The following GPC6 variants were observed in gnomAD, a reference collection of about 807,000 sequenced individuals.
GPC6 encodes the protein glypican 6, also known as glypican-6.
In GPC6, 14 loss-of-function variants were observed where a neutral mutation model predicts 55.2. That is an observed-to-expected ratio of 0.25 (90% CI 0.17 to 0.40). The LOEUF is 0.40. GPC6 is among the 10% of genes least tolerant of loss of function. The pLI, the probability that GPC6 is intolerant of heterozygous loss-of-function variation, is 1.00. For missense variants in GPC6, 641 were observed against 708.5 expected (o/e 0.90, Z 1.08); for synonymous variants, 278 against 259.6 (o/e 1.07, Z -0.68).
intron 2 of GPC6, among the ~76,000 whole-genome samples, chr13:93,589,291 A>C (rs1437210672): frequency 6.6e-6 from 1 of 152,056 alleles, no homozygotes; most frequent in Non-Finnish European, 1.5e-5. Flanking sequence ...ATTTTCAAAC[A>C]TACAAAAACA....
At chr13:93,516,904 C>A (rs1163275006) in intron 1 of GPC6, among the ~76,000 whole-genome samples, 3 of 152,038 alleles carry the variant, frequency 2.0e-5, no homozygotes, top group African/African-American at 7.2e-5. Context: ...AGATCATTAC[C>A]ATCAGTAGCT....
At chr13:94,213,725 C>T (rs1890150538) in intron 4 of GPC6, among the ~76,000 whole-genome samples, 1 of 152,114 alleles carries the variant, frequency 6.6e-6, no homozygotes, top group Non-Finnish European at 1.5e-5. Context: ...TCTCTTGAGA[C>T]CCACATTTGG....
At chr13:93,972,833 G>A (rs546687974) in intron 3 of GPC6, among the ~76,000 whole-genome samples, 12 of 152,152 alleles carry the variant, frequency 7.9e-5, no homozygotes, top group African/African-American at 2.9e-4. Flanking sequence ...CTCCCAAAAA[G>A]CCTTGCATTT....
chr13:93,432,475 T>C (rs950835708), intron 1 of GPC6, among the ~76,000 whole-genome samples: 1 of 152,070 alleles, frequency 6.6e-6, no homozygotes, highest in African/African-American at 2.4e-5. Context: ...CACAAATAAA[T>C]GAAGTGGAGT....
At chr13:93,218,769 T>C in the GPC6 span, among the ~76,000 whole-genome samples, 1 of 152,252 alleles carries the variant, frequency 6.6e-6, no homozygotes, top group Non-Finnish European at 1.5e-5. Context: ...CTTGTACTTA[T>C]TCATACTGAT....
intron 1 of GPC6, among the ~76,000 whole-genome samples, chr13:93,331,632 C>CT (rs11299859): frequency 1.7e-4 from 26 of 151,208 alleles, no homozygotes; most frequent in South Asian, 4.2e-4. Flanking sequence ...GTTTTTTCAT[C>CT]TTTTTTTTTC....
chr13:93,465,195 C>T (rs1878860687), intron 1 of GPC6, among the ~76,000 whole-genome samples: 1 of 152,140 alleles, frequency 6.6e-6, no homozygotes, highest in African/African-American at 2.4e-5. Context: ...TTTGAAATGG[C>T]GAATGAGCAT....
intron 2 of GPC6, among the ~76,000 whole-genome samples, chr13:93,806,113 T>C (rs1006183527): frequency 6.6e-6 from 1 of 152,192 alleles, no homozygotes; most frequent in East Asian, 1.9e-4. Context: ...TAAGAATGCT[T>C]TTCTTTGAAC....
chr13:94,153,522 A>G (rs1887819188), intron 4 of GPC6, among the ~76,000 whole-genome samples: 1 of 152,182 alleles, frequency 6.6e-6, no homozygotes, highest in Non-Finnish European at 1.5e-5. Flanking sequence ...GGGCAAAGAA[A>G]GGTCATTTTT....
chr13:93,247,293 G>A (rs1256756479), intron 1 of GPC6, among the ~76,000 whole-genome samples: 2 of 152,098 alleles, frequency 1.3e-5, no homozygotes, highest in Non-Finnish European at 2.9e-5. Flanking sequence ...CCTAACAAAT[G>A]TTTTTGCAGA....
intron 2 of GPC6, among the ~76,000 whole-genome samples, chr13:93,659,635 G>T (rs193271970): frequency 2.6e-5 from 4 of 151,934 alleles, no homozygotes; most frequent in African/African-American, 9.6e-5. Context: ...CAATCCTCTC[G>T]CTTCTACTGG....
At chr13:93,830,966 A>C in intron 3 of GPC6, 1 of 169,240 alleles carries the variant, frequency 5.9e-6, no homozygotes, top group Non-Finnish European at 1.3e-5. Context: ...CTGCGAATGG[A>C]GACAAGTTAT....
intron 1 of GPC6, among the ~76,000 whole-genome samples, chr13:93,441,157 G>A (rs1204003853): frequency 6.6e-6 from 1 of 152,196 alleles, no homozygotes; most frequent in Non-Finnish European, 1.5e-5. Context: ...ACAAACATAT[G>A]TGTGCATGTG....
At chr13:94,069,089 G>A (rs1884637389) in intron 4 of GPC6, among the ~76,000 whole-genome samples, 1 of 152,188 alleles carries the variant, frequency 6.6e-6, no homozygotes, top group Non-Finnish European at 1.5e-5. Flanking sequence ...CACCCCTGCA[G>A]CAAACTTCTG....
chr13:93,761,046 G>A (rs1394803819), intron 2 of GPC6, among the ~76,000 whole-genome samples: 4 of 152,116 alleles, frequency 2.6e-5, no homozygotes, highest in Admixed American at 1.3e-4. Context: ...CTTTTGTAAA[G>A]TTAAAGAAAA....
intron 1 of GPC6, among the ~76,000 whole-genome samples, chr13:93,438,408 A>G (rs754566097): frequency 7.2e-5 from 11 of 152,308 alleles, no homozygotes; most frequent in Non-Finnish European, 1.6e-4. Flanking sequence ...GGTTCCGTTA[A>G]GAACATTAAT....
chr13:93,861,989 T>A (rs2139027288), intron 3 of GPC6, among the ~76,000 whole-genome samples: 1 of 151,750 alleles, frequency 6.6e-6, no homozygotes, highest in African/African-American at 2.4e-5. Flanking sequence ...AGTCACCATG[T>A]CTGGAAGTGC....
chr13:93,664,711 G>A (rs1347330316), intron 2 of GPC6, among the ~76,000 whole-genome samples: 4 of 151,990 alleles, frequency 2.6e-5, no homozygotes, highest in African/African-American at 7.3e-5. Context: ...TGCACCTCCC[G>A]GGTTCAAGCA....
At chr13:93,843,472 G>A (rs1054872531) in intron 3 of GPC6, among the ~76,000 whole-genome samples, 3 of 152,166 alleles carry the variant, frequency 2.0e-5, no homozygotes, top group Admixed American at 6.6e-5. Flanking sequence ...ACAAAAAAAT[G>A]TGTGGTAGAA....
Sources: allele counts gnomAD v4.1 joint callset (sites outside exome capture counted in the v4.1 genomes callset), GRCh38; gene constraint gnomAD v4.1.1; transcripts MANE v1.5; gene names NCBI Gene and HGNC (gene_info 2026-07-23, HGNC 2026-07-21).